Variants in PTPRG observed in about 807,000 individuals in gnomAD.
The protein encoded by PTPRG is protein tyrosine phosphatase receptor type G.
In PTPRG, 102 loss-of-function variants were observed where a neutral mutation model predicts 165.3. The ratio of observed to expected loss-of-function variants is 0.62; its 90% CI spans 0.53 to 0.73. The LOEUF is 0.73. Ranked by LOEUF, PTPRG falls within the 30% of genes least tolerant of loss-of-function variation. The pLI, the probability that PTPRG is intolerant of heterozygous loss-of-function variation, is 0.00. For missense variants in PTPRG, 1,866 were observed against 1,861.4 expected (o/e 1.00, Z -0.05); for synonymous variants, 675 against 669.5 (o/e 1.01, Z -0.13).
chr3:61,936,517 T>A (rs1236604863), intron 2 of PTPRG, among the ~76,000 whole-genome samples: 1 of 152,188 alleles, frequency 6.6e-6, no homozygotes, highest in Non-Finnish European at 1.5e-5. Flanking sequence ...AGTAGTCACA[T>A]TCAACCCCCT....
At chr3:62,152,598 T>A (rs1385881117) in intron 6 of PTPRG, among the ~76,000 whole-genome samples, 1 of 152,244 alleles carries the variant, frequency 6.6e-6, no homozygotes, top group East Asian at 1.9e-4. Context: ...AGTAGAGCAC[T>A]GTCAGTGGGA....
At position 62,003,557 on chromosome 3, in the gene PTPRG, G is replaced by T. The variant is rs1331062346; in HGVS notation, c.519+60G>T. 5 of 1,589,312 alleles carry T rather than the reference G, an allele frequency of 3.1e-6. No homozygotes were observed. In the African/African-American group the frequency reaches 4.0e-5, roughly 13 times the overall value. The stretch of plus-strand genomic sequence containing the variant: ...GCTTCGGTCTTTATGTTAATCAGAT[G>T]CTGTGCCCTTACCCTCAGTCATTTT... On this transcript the variant is annotated intron_variant, in intron 4 of 29. Coordinates refer to ENST00000474889, the MANE Select transcript of PTPRG (RefSeq NM_002841.4).
At chr3:62,177,180 A>G (rs1705459216) in intron 8 of PTPRG, among the ~76,000 whole-genome samples, 2 of 152,078 alleles carry the variant, frequency 1.3e-5, no homozygotes, top group African/African-American at 2.4e-5. Context: ...AAGCTACTCA[A>G]GAGGCTAAGG....
chr3:62,215,561 C>G (rs1009973722), intron 12 of PTPRG, among the ~76,000 whole-genome samples: 2 of 143,748 alleles, frequency 1.4e-5, no homozygotes, highest in Non-Finnish European at 3.1e-5. Context: ...CCCCCCCCGC[C>G]AATTATTACA....
intron 2 of PTPRG, among the ~76,000 whole-genome samples, chr3:61,817,135 T>C (rs2035802295): frequency 7.8e-6 from 1 of 127,704 alleles, no homozygotes. Context: ...TTACACATAA[T>C]ACATATATTA....
intron 4 of PTPRG, among the ~76,000 whole-genome samples, chr3:62,031,487 G>T (rs1295852025): frequency 2.0e-5 from 3 of 152,176 alleles, no homozygotes; most frequent in Non-Finnish European, 4.4e-5. Flanking sequence ...GTAGACAGGG[G>T]ATATGACAGT....
At chr3:61,951,590 G>A (rs1263828254) in intron 2 of PTPRG, among the ~76,000 whole-genome samples, 1 of 152,190 alleles carries the variant, frequency 6.6e-6, no homozygotes, top group African/African-American at 2.4e-5. Context: ...CTTGAGGGCA[G>A]AGGACTCCCC....
intron 5 of PTPRG, among the ~76,000 whole-genome samples, chr3:62,117,317 C>T (rs1702902597): frequency 6.6e-6 from 1 of 152,196 alleles, no homozygotes; most frequent in South Asian, 2.1e-4. Context: ...TATTGTTCTA[C>T]CAACAGAATC....
Position 61,823,312 on chromosome 3 carries a change from T to G in PTPRG, c.190+74330T>G, listed in dbSNP as rs1318038475. 2.0e-5 allele frequency among the ~76,000 whole-genome samples: 3 copies of G among 152,182 alleles called. No individual in the cohort carries two copies. In the East Asian group the frequency reaches 5.8e-4, roughly 29 times the overall value. ...TTCAAGGGATTCTCCTGCCTCAGCC[T>G]CCTAAGTAGCTGAGACTACAGACAC... On this transcript the variant is annotated intron_variant, in intron 2 of 29. Transcript: ENST00000474889.
intron 5 of PTPRG, 58 bp downstream of exon 5, chr3:62,078,316 G>A: frequency 8.0e-7 from 1 of 1,246,254 alleles, no homozygotes; most frequent in Admixed American, 2.2e-5. Context: ...TTTTTAATTT[G>A]CCGAATTGTT....
chr3:61,730,921 G>C (rs983755308), intron 1 of PTPRG, among the ~76,000 whole-genome samples: 3 of 152,162 alleles, frequency 2.0e-5, no homozygotes, highest in Non-Finnish European at 4.4e-5. Flanking sequence ...GATTCATTTG[G>C]CTATGCTTTT....
rs975980361 is a variant in PTPRG, at chr3:61,562,220, A to G, written c.-68A>G. 3 of 1,439,754 alleles carry G rather than the reference A, an allele frequency of 2.1e-6. No homozygotes were observed. The Admixed American group carries it at 5.1e-5, about 24-fold the overall frequency. The allele number at this position is 1,439,754 out of a possible 1,614,324, so 89.2% of individuals were successfully genotyped here. A position where few individuals can be genotyped will look rare whatever the true frequency, so the allele number is the denominator to read the frequency against. On this transcript the variant is annotated 5_prime_UTR_variant, in exon 1 of 30. Coordinates refer to ENST00000474889, the MANE Select transcript of PTPRG (RefSeq NM_002841.4). Reference sequence around the variant, plus strand: ...GCGCCCCGGCTTAGCGGAGGCTCGCACGGAGGCAAGAACTTATTCAACAAG... The same window carrying G: ...GCGCCCCGGCTTAGCGGAGGCTCGCGCGGAGGCAAGAACTTATTCAACAAG...
intron 1 of PTPRG, among the ~76,000 whole-genome samples, chr3:61,736,726 C>G (rs1016550089): frequency 6.6e-6 from 1 of 152,138 alleles, no homozygotes; most frequent in Non-Finnish European, 1.5e-5. Flanking sequence ...CCCTGGGGAT[C>G]GGAGTGAGGA....
chr3:61,572,631 A>C (rs1700083420), intron 1 of PTPRG, among the ~76,000 whole-genome samples: 1 of 152,196 alleles, frequency 6.6e-6, no homozygotes, highest in Non-Finnish European at 1.5e-5. Context: ...TGTTCTAGGC[A>C]CTGGGGGAGA....
intron 6 of PTPRG, among the ~76,000 whole-genome samples, chr3:62,138,714 C>CAAAAAAAAAAAAAAAAA (rs563632840): frequency 3.3e-5 from 3 of 91,384 alleles, no homozygotes; most frequent in Admixed American, 1.4e-4. Context: ...GGCAAAGCTC[C>CAAAAAAAAAAAAAAAAA]AAAAAAAAAA....
At position 62,293,012 on chromosome 3, in the gene PTPRG, A is replaced by AT. The variant is rs373917788; in HGVS notation, c.4192-139dup. On this transcript the variant is annotated intron_variant, in intron 29 of 29. Coordinates refer to ENST00000474889, the MANE Select transcript of PTPRG (RefSeq NM_002841.4). ...GTCTTGACTATAATAAATTCAAATG[A>AT]TTTTTTTTTTAGTTTTTTTAGATAA... 2,579 of 604,664 alleles carry AT rather than the reference A, an allele frequency of 4.3e-3. 3 individuals are homozygous for AT. Among genetic ancestry groups the AT allele is most frequent in the South Asian group, 6.4e-3 (199 of 31,330 alleles). 37.5% of individuals were successfully genotyped at this position (604,664 alleles called of 1,614,324 possible).
At chr3:61,797,618 A>G (rs1239869193) in intron 2 of PTPRG, among the ~76,000 whole-genome samples, 2 of 117,854 alleles carry the variant, frequency 1.7e-5, no homozygotes, top group Non-Finnish European at 3.3e-5. Context: ...CTTCCTTTGT[A>G]AATCAAGATT....
At chr3:61,794,958 T>C (rs990752667) in intron 2 of PTPRG, among the ~76,000 whole-genome samples, 4 of 152,202 alleles carry the variant, frequency 2.6e-5, no homozygotes, top group African/African-American at 9.6e-5. Context: ...GGTGGTGGTG[T>C]AGAGTCAACT....
Position 61,814,120 on chromosome 3 carries a change from C to T in PTPRG, c.190+65138C>T, listed in dbSNP as rs545282463. ...TTCACCATGTTAGCCAGGCTGGTCT[C>T]GAACTCCTGACCTCAGGCAATCTGC... On this transcript the variant is annotated intron_variant, in intron 2 of 29. Transcript: ENST00000474889. Among the ~76,000 whole-genome samples the T allele has an allele frequency of 1.9e-4, 29 of 152,190 alleles. 1 individual carries two copies. In the South Asian group the frequency reaches 5.8e-3, roughly 30 times the overall value.
Sources: gnomAD v4.1 joint callset for allele counts (sites outside exome capture counted in the v4.1 genomes callset) on GRCh38, gnomAD v4.1.1 for gene constraint, MANE v1.5 for transcripts, NCBI Gene and HGNC (gene_info 2026-07-23, HGNC 2026-07-21) for gene names.